The following AKAP10 variants were observed in gnomAD, a reference collection of about 807,000 sequenced individuals.
AKAP10 encodes the protein A-kinase anchor protein 10, mitochondrial.
Under a neutral mutation model 80.8 loss-of-function variants are expected in AKAP10, and 24 were observed. The ratio of observed to expected loss-of-function variants is 0.30; its 90% CI spans 0.22 to 0.42. The LOEUF (loss-of-function observed/expected upper bound fraction) is 0.42. Ranked by LOEUF, AKAP10 falls within the 10% of genes least tolerant of loss-of-function variation. AKAP10 has a pLI of 1.00. For synonymous variants in AKAP10, 291 were observed against 277.7 expected, an observed-to-expected ratio of 1.05 and a Z score of -0.48; for missense variants, 661 against 794.9, an observed-to-expected ratio of 0.83 and a Z score of 2.03.
chr17:19,968,427 C>T lies in AKAP10; in HGVS notation c.123G>A (p.Val41=). ...GGCAGAACTTACCTTTAATGGACTT[C>T]ACATCTGAGGTCTTCTCTTGTTCTT... ...KGKEQEKTSD[V]KSIKASISVH... The change falls in exon 2 of 15, where the codon GTG becomes GTA. Residue 41 remains valine (V), a synonymous_variant. Transcript: ENST00000225737. The T allele has an allele frequency of 6.2e-7, 1 of 1,613,640 alleles. No homozygotes were observed. The highest frequency in any genetic ancestry group is 8.5e-7 in the Non-Finnish European group (1 of 1,179,760).
intron 4 of AKAP10, among the ~76,000 whole-genome samples, chr17:19,950,941 A>G (rs553128807): frequency 1.5e-5 from 2 of 132,616 alleles, no homozygotes; most frequent in East Asian, 2.4e-4. Context: ...GGATGGGAGG[A>G]GCGCCTCTGC....
At chr17:19,946,275 A>G (rs12938859) in intron 5 of AKAP10, among the ~76,000 whole-genome samples, 12 of 12,930 alleles carry the variant, frequency 9.3e-4, no homozygotes, top group African/African-American at 3.0e-3. Context: ...ATATATATAT[A>G]TTTTTTTTTT....
rs368940388 is a variant in AKAP10, at chr17:19,947,616, A to G, written c.878-111T>C. On this transcript the variant is annotated intron_variant, in intron 4 of 14. Transcript: ENST00000225737. ...TCACTGTGAGTTCCTATTGCAAAAT[A>G]AACTTCCATCACAAAGGTGCTTTTT... is the stretch of plus-strand genomic sequence containing the variant. 2.9e-3 allele frequency: 2,286 copies of G among 788,960 alleles called. 75 individuals are homozygous for G. In the South Asian group the frequency reaches 0.032, roughly 11 times the overall value. The allele number at this position is 788,960 out of a possible 1,614,324, so 48.9% of individuals were successfully genotyped here.
Position 19,977,578 on chromosome 17 carries a change from G to A in AKAP10, c.88+14C>T, listed in dbSNP as rs2043587510. ...AGGCCCGGCCTGACTCCCCGCCGGC[G>A]CCCCCTCAGCTACCTTTCCGCCGGA... On this transcript the variant is annotated intron_variant, in intron 1 of 14. Coordinates refer to ENST00000225737, the MANE Select transcript of AKAP10 (RefSeq NM_007202.4). 8.1e-7 allele frequency: 1 copy of A among 1,233,078 alleles called. No homozygotes were observed. The allele number at this position is 1,233,078 out of a possible 1,614,324, so 76.4% of individuals were successfully genotyped here. A position where few individuals can be genotyped will look rare whatever the true frequency, so the allele number is the denominator to read the frequency against.
At chr17:19,951,699 T>G (rs1323020831) in intron 4 of AKAP10, among the ~76,000 whole-genome samples, 1 of 152,060 alleles carries the variant, frequency 6.6e-6, no homozygotes, top group East Asian at 1.9e-4. Context: ...GAAGGCAGCA[T>G]GCTCGTTAAG....
intron 8 of AKAP10, among the ~76,000 whole-genome samples, chr17:19,937,372 C>T (rs912968958): frequency 4.6e-5 from 7 of 152,032 alleles, no homozygotes; most frequent in African/African-American, 1.7e-4. Context: ...CGTGGTGGCC[C>T]CCACCTGTAA....
chr17:19,932,428 G>A (rs1428079385), intron 9 of AKAP10, among the ~76,000 whole-genome samples: 1 of 147,206 alleles, frequency 6.8e-6, no homozygotes, highest in East Asian at 2.0e-4. Context: ...ACTCCAGCCT[G>A]GACGCTGGAG....
chr17:19,945,718 G>A (rs1456752350), intron 5 of AKAP10, among the ~76,000 whole-genome samples: 1 of 152,156 alleles, frequency 6.6e-6, no homozygotes, highest in African/African-American at 2.4e-5. Flanking sequence ...GGGTCTTGCT[G>A]TCCCCAGCAG....
chr17:19,911,835 C>CAAAAAAAAAAAAAAAAAAAAAA (rs71157844), intron 12 of AKAP10, among the ~76,000 whole-genome samples: 6 of 55,006 alleles, frequency 1.1e-4, no homozygotes, highest in Non-Finnish European at 2.1e-4. Context: ...AACTCTGTCA[C>CAAAAAAAAAAAAAAAAAAAAAA]AAAAAAAAAA....
At chr17:19,967,567 C>G (rs2043435727) in intron 2 of AKAP10, among the ~76,000 whole-genome samples, 1 of 152,148 alleles carries the variant, frequency 6.6e-6, no homozygotes, top group South Asian at 2.1e-4. Context: ...CTAGGATAGC[C>G]AATACACACA....
At chr17:19,956,335 T>G (rs2043275381) in intron 4 of AKAP10, among the ~76,000 whole-genome samples, 1 of 152,032 alleles carries the variant, frequency 6.6e-6, no homozygotes, top group Non-Finnish European at 1.5e-5. Flanking sequence ...AGAAACATGT[T>G]CACGGCCAAA....
intron 4 of AKAP10, among the ~76,000 whole-genome samples, chr17:19,949,937 G>C (rs1334382006): frequency 1.3e-5 from 2 of 152,088 alleles, no homozygotes; most frequent in East Asian, 1.9e-4. Context: ...TGAAAAGTAT[G>C]TATATTGTAA....
intron 4 of AKAP10, among the ~76,000 whole-genome samples, chr17:19,949,541 G>A (rs2043174758): frequency 6.6e-6 from 1 of 152,106 alleles, no homozygotes; most frequent in Admixed American, 6.5e-5. Flanking sequence ...GGAGGCTGAG[G>A]AGAGCGAATC....
rs762348426 is a variant in AKAP10, at chr17:19,958,281, CAAGAGAATCAGTTAA to C, written c.595_609del (p.Leu199_Leu203del). 6.2e-7 allele frequency: 1 copy of C among 1,614,158 alleles called. No homozygotes were observed. ...GAGCCAGAATCCTCCAATCTCTTAT[CAAGAGAATCAGTTAA>C]AAAAGACGCTGTAGTTTCATGCTTT... On this transcript the variant is annotated inframe_deletion, in exon 4 of 15. Coordinates refer to ENST00000225737, the MANE Select transcript of AKAP10 (RefSeq NM_007202.4).
At chr17:19,920,373 T>C (rs2042796472) in intron 11 of AKAP10, among the ~76,000 whole-genome samples, 1 of 152,158 alleles carries the variant, frequency 6.6e-6, no homozygotes, top group Non-Finnish European at 1.5e-5. Flanking sequence ...TAATTCACAA[T>C]TCTAAAATTC....
At position 19,936,377 on chromosome 17, in the gene AKAP10, A is replaced by G; in HGVS notation, c.1376T>C (p.Leu459Ser). 2 of 1,613,726 alleles carry G rather than the reference A, an allele frequency of 1.2e-6. No homozygotes were observed. The highest frequency in any genetic ancestry group is 1.7e-6 in the Non-Finnish European group (2 of 1,179,624). ...HPLGFDDVVR[L>S]EIESNICREG... is the part of the protein sequence containing the mutation. The stretch of plus-strand genomic sequence containing the variant: ...CCTGCAGATATTGGATTCAATTTCT[A>G]ATCGTACAACATCATCAAATCCAAG... The change falls in exon 9 of 15, where the codon TTA becomes TCA. Residue 459 changes from leucine to serine, a missense_variant. By Grantham distance (145) the Leu-to-Ser change is moderately radical. Coordinates refer to ENST00000225737, the MANE Select transcript of AKAP10 (RefSeq NM_007202.4).
At chr17:19,960,053 C>A (rs2043329873) in intron 3 of AKAP10, among the ~76,000 whole-genome samples, 1 of 152,090 alleles carries the variant, frequency 6.6e-6, no homozygotes, top group Non-Finnish European at 1.5e-5. Flanking sequence ...TCAAGACCGG[C>A]CTGGGGAACA....
chr17:19,931,964 G>C lies in AKAP10; in HGVS notation c.1482C>G (p.Gly494=), dbSNP rs745618389. 1 of 1,611,632 alleles carries C rather than the reference G, an allele frequency of 6.2e-7. No homozygotes were observed. The highest frequency in any genetic ancestry group is 8.5e-7 in the Non-Finnish European group (1 of 1,179,338). ...WTTMEKVFLP[G]FLSSNLYYKY... ...TATAATAAAGATTGCTGGACAAAAAGCCAGGCAAAAAGACCTGATAGAGAT... is the reference window on the plus strand; with the variant it reads ...TATAATAAAGATTGCTGGACAAAAACCCAGGCAAAAAGACCTGATAGAGAT... The change falls in exon 10 of 15, where the codon GGC becomes GGG. Residue 494 remains glycine (G), a synonymous_variant. Coordinates refer to ENST00000225737, the MANE Select transcript of AKAP10 (RefSeq NM_007202.4).
intron 5 of AKAP10, among the ~76,000 whole-genome samples, chr17:19,946,237 TTATATATA>T (rs1171891537): frequency 5.3e-4 from 8 of 15,174 alleles, no homozygotes; most frequent in African/African-American, 1.3e-3. Flanking sequence ...TATATATATA[TTATATATA>T]TATATATATA....
Sources: gnomAD v4.1 joint callset for allele counts (sites outside exome capture counted in the v4.1 genomes callset) on GRCh38, gnomAD v4.1.1 for gene constraint, MANE v1.5 for transcripts, NCBI Gene and HGNC (gene_info 2026-07-23, HGNC 2026-07-21) for gene names.